Variants in CLVS1 observed in about 807,000 individuals in gnomAD.
CLVS1 encodes the protein clavesin-1.
In CLVS1, 10 loss-of-function variants were observed where a neutral mutation model predicts 33.1. The ratio of observed to expected loss-of-function variants is 0.30; its 90% CI spans 0.19 to 0.51. The LOEUF is 0.51. CLVS1 is among the 20% of genes least tolerant of loss of function. The probability of loss-of-function intolerance (pLI) is 0.97; values close to 1 mark genes in which losing one functional copy is unlikely to be tolerated. For missense variants in CLVS1, 343 were observed against 433.4 expected (o/e 0.79, Z 1.85); for synonymous variants, 163 against 166.1 (o/e 0.98, Z 0.14).
chr8:61,101,162 G>A (rs888562423), intron 1 of CLVS1, among the ~76,000 whole-genome samples: 2 of 152,142 alleles, frequency 1.3e-5, no homozygotes, highest in African/African-American at 4.8e-5. Context: ...TTGAAGAACT[G>A]CAAGACTTTT....
chr8:61,053,065 T>G (rs577491857), upstream of CLVS1, among the ~76,000 whole-genome samples: 1 of 152,098 alleles, frequency 6.6e-6, no homozygotes, highest in Non-Finnish European at 1.5e-5. Flanking sequence ...GTTTTTGAGA[T>G]TCTTGGCCTG....
At chr8:61,305,717 C>A (rs1484239758) in intron 2 of CLVS1, among the ~76,000 whole-genome samples, 1 of 151,964 alleles carries the variant, frequency 6.6e-6, no homozygotes, top group African/African-American at 2.4e-5. Flanking sequence ...CCACTCTCTA[C>A]CCTCTGAAAG....
At chr8:60,969,651 G>A in the CLVS1 span, among the ~76,000 whole-genome samples, 2 of 151,992 alleles carry the variant, frequency 1.3e-5, no homozygotes, top group African/African-American at 4.8e-5. Flanking sequence ...GGGGCTGTTA[G>A]GATTTTATTT....
chr8:61,410,234 T>C (rs938007326), intron 3 of CLVS1, among the ~76,000 whole-genome samples: 27 of 151,922 alleles, frequency 1.8e-4, no homozygotes, highest in African/African-American at 6.5e-4. Flanking sequence ...GTGTGAGATG[T>C]TTTGTTTTTG....
intron 2 of CLVS1, among the ~76,000 whole-genome samples, chr8:61,208,195 A>C (rs1420478829): frequency 6.6e-6 from 1 of 152,242 alleles, no homozygotes; most frequent in Non-Finnish European, 1.5e-5. Context: ...CATCACCAGA[A>C]CACTTGCTAA....
chr8:61,300,426 G>A, intron 2 of CLVS1, 144 bp downstream of exon 2: 1 of 706,804 alleles, frequency 1.4e-6, no homozygotes, highest in Non-Finnish European at 2.3e-6. Context: ...GGCCACAGGT[G>A]TGCTGTCTTC....
the CLVS1 span, among the ~76,000 whole-genome samples, chr8:60,968,163 G>A: frequency 1.3e-5 from 2 of 152,122 alleles, no homozygotes; most frequent in Non-Finnish European, 2.9e-5. Flanking sequence ...AAACTCCTGG[G>A]GTCAAGTGAC....
rs7818715 is a variant in CLVS1, at chr8:61,093,016, C to T, written c.-243+35786C>T. On this transcript the variant is annotated intron_variant, in intron 1 of 2. Coordinates refer to the CLVS1 transcript ENST00000522621. ...AGAAAGAAGCACCTTAGCTCCTCAC[C>T]GCAAAATGGGAAGGGCTCAGTAGGT... 4.2e-3 allele frequency among the ~76,000 whole-genome samples: 646 copies of T among 152,196 alleles called. 5 individuals carry two copies. The highest frequency in any genetic ancestry group is 0.014 in the African/African-American group (579 of 41,496).
Position 61,499,586 on chromosome 8 carries a change from T to TATCA in CLVS1, c.*45_*48dup. 6.8e-7 allele frequency: 1 copy of TATCA among 1,464,688 alleles called. No homozygotes were observed. Among genetic ancestry groups the TATCA allele is most frequent in the South Asian group, 1.1e-5 (1 of 87,958 alleles). 90.7% of individuals were successfully genotyped at this position (1,464,688 alleles called of 1,614,324 possible). On this transcript the variant is annotated 3_prime_UTR_variant, in exon 6 of 6. Transcript: ENST00000325897. ...GCTCCTGCACACTGGCCTTCAGTGG[T>TATCA]ATCAGCCACCCAGGAAGCACATGCA...
At chr8:61,223,145 T>C (rs1808255616) in intron 2 of CLVS1, among the ~76,000 whole-genome samples, 1 of 152,170 alleles carries the variant, frequency 6.6e-6, no homozygotes, top group Non-Finnish European at 1.5e-5. Context: ...TGCCAGTCTG[T>C]GTCTTTTAAT....
the CLVS1 span, among the ~76,000 whole-genome samples, chr8:61,012,707 C>T: frequency 6.6e-6 from 1 of 152,202 alleles, no homozygotes; most frequent in African/African-American, 2.4e-5. Flanking sequence ...TGGTGCTGTG[C>T]TCCCCCGCTC....
intron 1 of CLVS1, among the ~76,000 whole-genome samples, chr8:61,092,894 G>C (rs748748696): frequency 2.6e-5 from 4 of 152,128 alleles, no homozygotes; most frequent in South Asian, 2.1e-4. Flanking sequence ...TTCCCAAGTG[G>C]TATCACTGGG....
chr8:61,435,734 C>CTGTCT (rs1816307558), intron 3 of CLVS1, among the ~76,000 whole-genome samples: 1 of 151,750 alleles, frequency 6.6e-6, no homozygotes, highest in Non-Finnish European at 1.5e-5. Context: ...CTGAGGACTA[C>CTGTCT]TGTCTTGTAC....
intron 1 of CLVS1, among the ~76,000 whole-genome samples, chr8:61,110,707 TC>T (rs1805610754): frequency 6.6e-6 from 1 of 152,026 alleles, no homozygotes; most frequent in Non-Finnish European, 1.5e-5. Context: ...ATTTCCTGCC[TC>T]CCCTACCCCC....
chr8:61,234,947 A>G (rs1347399760), intron 2 of CLVS1, among the ~76,000 whole-genome samples: 1 of 152,148 alleles, frequency 6.6e-6, no homozygotes, highest in Admixed American at 6.6e-5. Flanking sequence ...TCTTCTTTGT[A>G]TGGGACATAC....
chr8:61,403,148 T>A (rs1813249), intron 3 of CLVS1, among the ~76,000 whole-genome samples: 3,413 of 152,244 alleles, frequency 0.022, 147 homozygotes, highest in South Asian at 0.099. Flanking sequence ...ACACAGCTAT[T>A]GAGGGAAAAA....
At chr8:61,257,847 A>G (rs1028023944) in intron 2 of CLVS1, among the ~76,000 whole-genome samples, 8 of 152,148 alleles carry the variant, frequency 5.3e-5, no homozygotes, top group Admixed American at 3.3e-4. Flanking sequence ...GAATGACCAT[A>G]TATATTTTAT....
intron 2 of CLVS1, among the ~76,000 whole-genome samples, chr8:61,221,970 G>A (rs368225017): frequency 1.1e-4 from 17 of 152,172 alleles, no homozygotes; most frequent in East Asian, 5.8e-4. Flanking sequence ...GTTTATTTGC[G>A]TAGAGGTGTT....
At chr8:61,130,880 A>G (rs1563414364) in intron 1 of CLVS1, among the ~76,000 whole-genome samples, 3 of 152,224 alleles carry the variant, frequency 2.0e-5, no homozygotes, top group Admixed American at 1.3e-4. Context: ...GCCAGTGCAG[A>G]GGCCTAAGAT....
Sources: gnomAD v4.1 joint callset for allele counts (sites outside exome capture counted in the v4.1 genomes callset) on GRCh38, gnomAD v4.1.1 for gene constraint, MANE v1.5 for transcripts, NCBI Gene and HGNC (gene_info 2026-07-23, HGNC 2026-07-21) for gene names.